Variants in ZHX2 observed in about 807,000 individuals in gnomAD.
The protein encoded by ZHX2 is zinc fingers and homeoboxes 2.
In ZHX2, 6 loss-of-function variants were observed where a neutral mutation model predicts 21.9. That is an observed-to-expected ratio of 0.27 (90% CI 0.15 to 0.54). The LOEUF (loss-of-function observed/expected upper bound fraction) is 0.54. ZHX2 is among the 20% of genes least tolerant of loss of function. The pLI is 0.95. For synonymous variants in ZHX2, 434 were observed against 437.1 expected, an observed-to-expected ratio of 0.99 and a Z score of 0.09; for missense variants, 908 against 1,090.7, an observed-to-expected ratio of 0.83 and a Z score of 2.36.
intron 2 of ZHX2, among the ~76,000 whole-genome samples, chr8:122,877,341 CAT>C (rs1220571051): frequency 6.6e-6 from 1 of 152,188 alleles, no homozygotes; most frequent in Non-Finnish European, 1.5e-5. Context: ...TGCAAGTTCC[CAT>C]GGTACCATGC....
chr8:122,836,829 C>A (rs962507087), intron 1 of ZHX2, among the ~76,000 whole-genome samples: 4 of 152,230 alleles, frequency 2.6e-5, no homozygotes, highest in Non-Finnish European at 5.9e-5. Flanking sequence ...AGGAGTTATT[C>A]ATCCCCTTAA....
intron 1 of ZHX2, among the ~76,000 whole-genome samples, chr8:122,824,068 A>G (rs891072686): frequency 1.3e-5 from 2 of 152,154 alleles, no homozygotes; most frequent in African/African-American, 2.4e-5. Flanking sequence ...GTTGAGCTCA[A>G]TATTTTTTCA....
At chr8:122,832,536 G>A (rs929257140) in intron 1 of ZHX2, among the ~76,000 whole-genome samples, 1 of 152,168 alleles carries the variant, frequency 6.6e-6, no homozygotes, top group African/African-American at 2.4e-5. Context: ...GTGAGCACGG[G>A]GGCTGAGGTG....
chr8:122,865,817 T>G (rs962012674), intron 2 of ZHX2, among the ~76,000 whole-genome samples: 1 of 152,114 alleles, frequency 6.6e-6, no homozygotes, highest in African/African-American at 2.4e-5. Context: ...AAAAGTAGTG[T>G]AGGTTGGAGG....
intron 1 of ZHX2, among the ~76,000 whole-genome samples, chr8:122,824,921 C>T (rs1229751633): frequency 2.0e-5 from 3 of 152,160 alleles, no homozygotes; most frequent in Non-Finnish European, 4.4e-5. Flanking sequence ...TAACAGCCCC[C>T]GTCCATCTTC....
intron 2 of ZHX2, among the ~76,000 whole-genome samples, chr8:122,935,448 G>C (rs919787675): frequency 6.6e-6 from 1 of 152,008 alleles, no homozygotes; most frequent in Non-Finnish European, 1.5e-5. Context: ...ACACTCATGA[G>C]TGTGTCAAGG....
chr8:122,873,650 T>C (rs376420950), intron 2 of ZHX2, among the ~76,000 whole-genome samples: 7 of 152,360 alleles, frequency 4.6e-5, no homozygotes, highest in Admixed American at 3.9e-4. Context: ...ATGGCTGCTA[T>C]AACATATTCC....
chr8:122,953,869 G>A lies in ZHX2; in HGVS notation c.2359G>A (p.Glu787Lys). ...RDGQGSDENE[E>K]SSVVDYVEVT... ...CGGCCAGGGTAGCGACGAGAACGAG[G>A]AGTCGAGCGTTGTGGATTACGTGGA... Residue 787 changes from glutamate (E) to lysine (K), a missense_variant, in exon 3 of 4, where the codon GAG (glutamate) becomes AAG (lysine). Around this residue, in one of 4 missense-constraint regions of ZHX2, gnomAD observed 431 missense variants for 428.6 expected, o/e 1.01. Transcript: ENST00000314393. The surrounding 1 kb of genome is among the most constrained non-coding windows in gnomAD (Gnocchi z 4.6). 6.2e-7 allele frequency: 1 copy of A among 1,614,230 alleles called. No individual in the cohort carries two copies. Among genetic ancestry groups the A allele is most frequent in the Non-Finnish European group, 8.5e-7 (1 of 1,180,028 alleles).
At chr8:122,803,763 T>TGGCA (rs1817764424) in intron 1 of ZHX2, among the ~76,000 whole-genome samples, 1 of 152,152 alleles carries the variant, frequency 6.6e-6, no homozygotes, top group South Asian at 2.1e-4. Context: ...GTGCTCCCCC[T>TGGCA]GGCAGCTCAT....
At chr8:122,943,919 C>T (rs970185224) in intron 2 of ZHX2, among the ~76,000 whole-genome samples, 2 of 152,210 alleles carry the variant, frequency 1.3e-5, no homozygotes, top group African/African-American at 2.4e-5. Context: ...CCAGGCTCTT[C>T]GCCATCTAGC....
At chr8:122,954,065 C>A (rs375985195) in intron 3 of ZHX2, 37 bp downstream of exon 3, 107 of 1,514,036 alleles carry the variant, frequency 7.1e-5, no homozygotes, top group Non-Finnish European at 9.4e-5. Flanking sequence ...CAGGGGAGAA[C>A]GCAGCTTGCT....
intron 3 of ZHX2, among the ~76,000 whole-genome samples, chr8:122,957,981 CTTAT>C (rs1409775232): frequency 2.6e-5 from 4 of 152,044 alleles, no homozygotes; most frequent in African/African-American, 9.7e-5. Flanking sequence ...TATTTAAATA[CTTAT>C]TTATTTAGGA....
At chr8:122,939,671 T>A (rs1333827791) in intron 2 of ZHX2, among the ~76,000 whole-genome samples, 1 of 151,952 alleles carries the variant, frequency 6.6e-6, no homozygotes, top group Non-Finnish European at 1.5e-5. Flanking sequence ...CAGGGCAAAA[T>A]CTACTAAAAC....
intron 3 of ZHX2, among the ~76,000 whole-genome samples, chr8:122,958,967 A>T (rs1813375899): frequency 6.6e-6 from 1 of 152,230 alleles, no homozygotes; most frequent in Non-Finnish European, 1.5e-5. Context: ...AGAGTAGTGC[A>T]CACAGAAACC....
intron 2 of ZHX2, among the ~76,000 whole-genome samples, chr8:122,872,105 G>A (rs927621185): frequency 5.9e-5 from 9 of 152,152 alleles, no homozygotes; most frequent in Non-Finnish European, 1.0e-4. Context: ...GGAATGTGCC[G>A]CATCCTTCAG....
chr8:122,842,111 C>T (rs1223884839), intron 1 of ZHX2, among the ~76,000 whole-genome samples: 5 of 152,238 alleles, frequency 3.3e-5, no homozygotes, highest in Non-Finnish European at 5.9e-5. Context: ...ACCTATAGCT[C>T]AAGTTCCAGC....
intron 1 of ZHX2, among the ~76,000 whole-genome samples, chr8:122,806,482 G>A (rs995432365): frequency 5.3e-5 from 8 of 152,296 alleles, no homozygotes; most frequent in Non-Finnish European, 8.8e-5. Context: ...CCCAGAACAC[G>A]GTGTGTGCAG....
At position 122,854,440 on chromosome 8, in the gene ZHX2, A is replaced by G. The variant is rs530100314; in HGVS notation, c.-282-9037A>G. ...GGAGCAGGGGACTTGCTCAGAGCCA[A>G]CCTAGTTGGTGGTGGGACTGGAGCT... On this transcript the variant is annotated intron_variant, in intron 1 of 3. Coordinates refer to ENST00000314393, the MANE Select transcript of ZHX2 (RefSeq NM_014943.5). 1.2e-3 allele frequency among the ~76,000 whole-genome samples: 183 copies of G among 152,280 alleles called. 1 individual carries two copies. The highest frequency in any genetic ancestry group is 4.4e-3 in the African/African-American group (182 of 41,548).
chr8:122,872,407 G>T (rs1017679801), intron 2 of ZHX2, among the ~76,000 whole-genome samples: 3 of 152,168 alleles, frequency 2.0e-5, no homozygotes, highest in African/African-American at 7.2e-5. Context: ...TCAGGGGCAA[G>T]TTCCAACCAG....
Sources: gnomAD v4.1 joint callset for allele counts (sites outside exome capture counted in the v4.1 genomes callset) on GRCh38, gnomAD v4.1.1 for gene constraint, gnomAD v4.1.1 regional missense constraint, Gnocchi (gnomAD v3.1) non-coding constraint, MANE v1.5 for transcripts, NCBI Gene and HGNC (gene_info 2026-07-23, HGNC 2026-07-21) for gene names.